The following PLD5 variants were observed in gnomAD, a reference collection of about 807,000 sequenced individuals.
PLD5 encodes the protein phospholipase D family member 5, also known as inactive phospholipase D5.
PLD5 carries 36 observed loss-of-function variants against 61.1 expected under a neutral mutation model. The ratio of observed to expected loss-of-function variants is 0.59; its 90% CI spans 0.45 to 0.78. PLD5 has a LOEUF of 0.78. Ranked by LOEUF, PLD5 falls within the 30% of genes least tolerant of loss-of-function variation. The probability of loss-of-function intolerance (pLI) is 0.00; values close to 1 mark genes in which losing one functional copy is unlikely to be tolerated. For synonymous variants in PLD5, 243 were observed against 242.8 expected (o/e 1.00, Z -0.01); for missense variants, 515 against 644.4 (o/e 0.80, Z 2.17).
At chr1:242,238,573 C>T (rs412163) in intron 4 of PLD5, among the ~76,000 whole-genome samples, 20,711 of 152,096 alleles carry the variant, frequency 0.14, 2,459 homozygotes, top group African/African-American at 0.32. Flanking sequence ...GAATGAGAAG[C>T]TTTGAAAAAA....
chr1:242,101,349 T>G (rs539886926), intron 8 of PLD5, among the ~76,000 whole-genome samples: 1 of 152,052 alleles, frequency 6.6e-6, no homozygotes, highest in East Asian at 1.9e-4. Flanking sequence ...GAATTCTGAA[T>G]TTCAACTTTT....
At chr1:242,404,576 C>G (rs781062717) in intron 1 of PLD5, among the ~76,000 whole-genome samples, 2 of 152,152 alleles carry the variant, frequency 1.3e-5, no homozygotes, top group Non-Finnish European at 2.9e-5. Context: ...CTCTTCCAAA[C>G]GTGACTTCTC....
chr1:242,320,089 A>T (rs1338165742), intron 2 of PLD5, among the ~76,000 whole-genome samples: 17 of 152,224 alleles, frequency 1.1e-4, no homozygotes, highest in Non-Finnish European at 2.1e-4. Context: ...TTGGCAAATA[A>T]ACCTCTTAAA....
At chr1:242,213,553 T>C (rs1206994747) in intron 5 of PLD5, among the ~76,000 whole-genome samples, 1 of 151,994 alleles carries the variant, frequency 6.6e-6, no homozygotes, top group Admixed American at 6.6e-5. Context: ...ACTAGCAACT[T>C]ACACACTTTA....
At chr1:242,499,971 C>T (rs2342271) in intron 1 of PLD5, among the ~76,000 whole-genome samples, 12,163 of 152,200 alleles carry the variant, frequency 0.08, 1,220 homozygotes, top group African/African-American at 0.24. Context: ...TGGCTGACCA[C>T]AGTGCTTACC....
intron 4 of PLD5, among the ~76,000 whole-genome samples, chr1:242,245,619 T>C (rs1458531276): frequency 6.6e-6 from 1 of 152,216 alleles, no homozygotes. Context: ...AAAGATTTAG[T>C]ATCCATTGGT....
At chr1:242,471,561 A>G (rs2102949865) in intron 1 of PLD5, among the ~76,000 whole-genome samples, 1 of 152,240 alleles carries the variant, frequency 6.6e-6, no homozygotes, top group Non-Finnish European at 1.5e-5. Context: ...CTAGATATCC[A>G]TGTTTTATTT....
intron 2 of PLD5, among the ~76,000 whole-genome samples, chr1:242,310,405 C>T (rs1383704397): frequency 2.0e-5 from 3 of 152,146 alleles, no homozygotes; most frequent in East Asian, 1.9e-4. Flanking sequence ...TCTCTCTGAA[C>T]TTAGTGGGTA....
At chr1:242,406,727 G>C (rs1261232947) in intron 1 of PLD5, among the ~76,000 whole-genome samples, 1 of 152,162 alleles carries the variant, frequency 6.6e-6, no homozygotes, top group Non-Finnish European at 1.5e-5. Context: ...TCTGAATTGA[G>C]AACTTGATGC....
At chr1:242,215,043 A>ATTTTTT (rs34759131) in intron 5 of PLD5, among the ~76,000 whole-genome samples, 2 of 120,616 alleles carry the variant, frequency 1.7e-5, no homozygotes, top group African/African-American at 3.2e-5. Context: ...TGCCTGGCCA[A>ATTTTTT]TTTTTTTTTT....
At chr1:242,219,487 C>T (rs1309331564) in intron 5 of PLD5, among the ~76,000 whole-genome samples, 2 of 152,252 alleles carry the variant, frequency 1.3e-5, no homozygotes, top group Admixed American at 1.3e-4. Flanking sequence ...TGTGGATTGC[C>T]TCTGACACAA....
intron 3 of PLD5, among the ~76,000 whole-genome samples, chr1:242,280,188 T>C (rs1674643091): frequency 2.0e-5 from 3 of 152,220 alleles, no homozygotes; most frequent in East Asian, 1.9e-4. Context: ...ATGGGAACAC[T>C]GAAGATCAGA....
At chr1:242,295,976 A>G (rs1385262715) in intron 2 of PLD5, among the ~76,000 whole-genome samples, 4 of 152,220 alleles carry the variant, frequency 2.6e-5, no homozygotes, top group Non-Finnish European at 1.5e-5. Context: ...AAGGGTTTGA[A>G]CTAATGTAGA....
At chr1:242,449,594 A>T in intron 1 of PLD5, 1 of 1,299,072 alleles carries the variant, frequency 7.7e-7, no homozygotes, top group Non-Finnish European at 1.0e-6. Context: ...TTCCCCTAGA[A>T]TGTGCTCTTA....
chr1:242,475,315 C>G (rs940492368), intron 1 of PLD5, among the ~76,000 whole-genome samples: 1 of 150,580 alleles, frequency 6.6e-6, no homozygotes, highest in African/African-American at 2.5e-5. Flanking sequence ...CCCAGCTACT[C>G]GGGAGGCTGA....
intron 7 of PLD5, among the ~76,000 whole-genome samples, chr1:242,112,659 T>A (rs1184960596): frequency 6.6e-6 from 1 of 152,226 alleles, no homozygotes; most frequent in African/African-American, 2.4e-5. Flanking sequence ...AGAAGCTACC[T>A]ACTATGCATT....
chr1:242,119,682 T>C (rs1339027453), intron 6 of PLD5, among the ~76,000 whole-genome samples: 1 of 152,182 alleles, frequency 6.6e-6, no homozygotes. Context: ...ATAACAAGTG[T>C]TGCCGAGGAT....
At chr1:242,491,001 G>A (rs1468026849) in intron 1 of PLD5, among the ~76,000 whole-genome samples, 1 of 152,134 alleles carries the variant, frequency 6.6e-6, no homozygotes, top group Non-Finnish European at 1.5e-5. Flanking sequence ...ATACCTTTGG[G>A]ACATGACAGT....
chr1:242,447,448 C>T (rs1183088792), intron 1 of PLD5, among the ~76,000 whole-genome samples: 1 of 152,202 alleles, frequency 6.6e-6, no homozygotes, highest in African/African-American at 2.4e-5. Flanking sequence ...TATAGATTCA[C>T]TCCTCTTCCG....
Sources: allele counts gnomAD v4.1 joint callset (sites outside exome capture counted in the v4.1 genomes callset), GRCh38; gene constraint gnomAD v4.1.1; transcripts MANE v1.5; gene names NCBI Gene and HGNC (gene_info 2026-07-23, HGNC 2026-07-21).